FHIT: variants seen among roughly 807,000 people sequenced by gnomAD.
The protein encoded by FHIT is fragile histidine triad diadenosine triphosphatase.
A neutral mutation model predicts 17.9 loss-of-function variants in FHIT; 19 were observed. That is an observed-to-expected ratio of 1.06 (90% CI 0.74 to 1.56). The LOEUF (loss-of-function observed/expected upper bound fraction) is 1.56, where lower values mean the gene tolerates loss of function less well. Ranked by LOEUF, FHIT falls within the 40% of genes most tolerant of loss-of-function variation. The probability of loss-of-function intolerance (pLI) is 0.00; values close to 1 mark genes in which losing one functional copy is unlikely to be tolerated. For synonymous variants in FHIT, 81 were observed against 69.7 expected, an observed-to-expected ratio of 1.16 and a Z score of -0.81; for missense variants, 248 against 189.2, an observed-to-expected ratio of 1.31 and a Z score of -1.82.
intron 5 of FHIT, among the ~76,000 whole-genome samples, chr3:60,083,253 G>A (rs552739188): frequency 6.6e-6 from 1 of 152,224 alleles, no homozygotes; most frequent in East Asian, 1.9e-4. Flanking sequence ...ACTTTGTCAA[G>A]ATCAGGCAGT....
At chr3:61,028,118 A>G (rs1039164888) in intron 3 of FHIT, among the ~76,000 whole-genome samples, 1 of 152,196 alleles carries the variant, frequency 6.6e-6, no homozygotes, top group Non-Finnish European at 1.5e-5. Flanking sequence ...ACCAAATTAG[A>G]TCATTGTATT....
At chr3:59,872,355 G>C (rs1194544730) in intron 8 of FHIT, among the ~76,000 whole-genome samples, 2 of 152,186 alleles carry the variant, frequency 1.3e-5, no homozygotes, top group African/African-American at 4.8e-5. Context: ...AGGGCGATGA[G>C]GCTGATGTGG....
intron 3 of FHIT, among the ~76,000 whole-genome samples, chr3:61,032,734 G>A (rs1322940725): frequency 6.6e-6 from 1 of 152,220 alleles, no homozygotes; most frequent in African/African-American, 2.4e-5. Flanking sequence ...TATTAGCCAG[G>A]CTTCTCCAGA....
intron 4 of FHIT, among the ~76,000 whole-genome samples, chr3:60,789,213 A>G (rs1700695318): frequency 6.6e-6 from 1 of 151,572 alleles, no homozygotes; most frequent in South Asian, 2.1e-4. Flanking sequence ...GAGGAGAGAG[A>G]GAGCACAACA....
At chr3:59,865,560 C>T (rs1164154959) in intron 8 of FHIT, among the ~76,000 whole-genome samples, 1 of 152,202 alleles carries the variant, frequency 6.6e-6, no homozygotes, top group African/African-American at 2.4e-5. Flanking sequence ...TAACGAGGTG[C>T]CAAATGGGAT....
intron 2 of FHIT, among the ~76,000 whole-genome samples, chr3:61,049,446 A>G (rs2033943194): frequency 6.6e-6 from 1 of 152,092 alleles, no homozygotes; most frequent in Admixed American, 6.6e-5. Context: ...TATAAGACCT[A>G]TATCCAGATA....
At chr3:60,630,320 C>T (rs149352311) in intron 4 of FHIT, among the ~76,000 whole-genome samples, 1 of 152,162 alleles carries the variant, frequency 6.6e-6, no homozygotes, top group Non-Finnish European at 1.5e-5. Flanking sequence ...GGACAGAAGG[C>T]AAATGATTTT....
chr3:60,573,809 C>CTT (rs112894966), intron 4 of FHIT, among the ~76,000 whole-genome samples: 3 of 147,802 alleles, frequency 2.0e-5, no homozygotes, highest in African/African-American at 7.4e-5. Flanking sequence ...GTCTTGTGTA[C>CTT]TTTTTTTTTT....
chr3:60,561,088 T>C (rs1433078732), intron 4 of FHIT, among the ~76,000 whole-genome samples: 1 of 151,938 alleles, frequency 6.6e-6, no homozygotes, highest in African/African-American at 2.4e-5. Flanking sequence ...TGTCTCTATC[T>C]CTAGTATTTA....
intron 5 of FHIT, among the ~76,000 whole-genome samples, chr3:60,052,016 CA>C (rs1701900250): frequency 6.6e-6 from 1 of 152,078 alleles, no homozygotes; most frequent in Admixed American, 6.6e-5. Flanking sequence ...ATTTGCACCC[CA>C]ACTGGACTAA....
chr3:60,912,879 G>T, intron 3 of FHIT: 3 of 443,258 alleles, frequency 6.8e-6, no homozygotes, highest in East Asian at 6.5e-5. Context: ...CTCATCACTG[G>T]GTACTTCCAT....
chr3:59,999,268 A>G (rs1406385191), intron 7 of FHIT, among the ~76,000 whole-genome samples: 2 of 152,140 alleles, frequency 1.3e-5, no homozygotes, highest in African/African-American at 4.8e-5. Flanking sequence ...GCTGCAGGAT[A>G]AGATTTAATG....
At chr3:60,861,173 C>CTATATATGTATAGAACATATA in intron 3 of FHIT, among the ~76,000 whole-genome samples, 2 of 1,190 alleles carry the variant, frequency 1.7e-3, no homozygotes, top group East Asian at 0.03. Flanking sequence ...ATCATATGTT[C>CTATATATGTATAGAACATATA]TATGATATAT....
At chr3:59,810,088 T>A (rs1380102499) in intron 8 of FHIT, among the ~76,000 whole-genome samples, 3 of 152,106 alleles carry the variant, frequency 2.0e-5, no homozygotes, top group African/African-American at 7.2e-5. Context: ...CTGCTTTAGG[T>A]GCCTCTTACG....
At chr3:60,281,922 T>C (rs182252679) in intron 5 of FHIT, among the ~76,000 whole-genome samples, 217 of 152,286 alleles carry the variant, frequency 1.4e-3, no homozygotes, top group African/African-American at 5.0e-3. Flanking sequence ...TAACATCATA[T>C]GTCATTAGGG....
chr3:60,886,936 T>C (rs973345164), intron 3 of FHIT, among the ~76,000 whole-genome samples: 6 of 152,228 alleles, frequency 3.9e-5, no homozygotes, highest in African/African-American at 1.4e-4. Context: ...CCGTGGTTTG[T>C]TATCCAGGGT....
At chr3:60,996,067 G>T (rs1251319645) in intron 3 of FHIT, among the ~76,000 whole-genome samples, 1 of 152,144 alleles carries the variant, frequency 6.6e-6, no homozygotes. Flanking sequence ...AATTAGTTCT[G>T]AACTGTGATA....
intron 8 of FHIT, among the ~76,000 whole-genome samples, chr3:59,782,771 T>C (rs1485170459): frequency 6.6e-6 from 1 of 152,078 alleles, no homozygotes; most frequent in Admixed American, 6.6e-5. Context: ...GCAGGAGGCA[T>C]GCAGTGATTT....
intron 5 of FHIT, among the ~76,000 whole-genome samples, chr3:60,075,678 C>CAA (rs756131129): frequency 1.3e-5 from 2 of 151,858 alleles, no homozygotes; most frequent in Non-Finnish European, 1.5e-5. Flanking sequence ...TAATAGGAAT[C>CAA]AAAGATCCTG....
Sources: allele counts gnomAD v4.1 joint callset (sites outside exome capture counted in the v4.1 genomes callset), GRCh38; gene constraint gnomAD v4.1.1; transcripts MANE v1.5; gene names NCBI Gene and HGNC (gene_info 2026-07-23, HGNC 2026-07-21).